Variants in TCN2 observed in about 807,000 individuals in gnomAD.
TCN2 encodes transcobalamin-2.
A neutral mutation model predicts 48.6 loss-of-function variants in TCN2; 34 were observed. The ratio of observed to expected loss-of-function variants is 0.70; its 90% CI spans 0.53 to 0.93. TCN2 has a LOEUF of 0.93. Among genes scored for constraint, TCN2 ranks in the 40% least tolerant of loss-of-function variants. TCN2 has a pLI of 0.00. For synonymous variants in TCN2, 283 were observed against 212.5 expected, an observed-to-expected ratio of 1.33 and a Z score of -2.89; for missense variants, 652 against 526.1, an observed-to-expected ratio of 1.24 and a Z score of -2.34.
intron 3 of TCN2, among the ~76,000 whole-genome samples, chr22:30,613,813 C>T (rs2087573679): frequency 6.6e-6 from 1 of 152,104 alleles, no homozygotes; most frequent in African/African-American, 2.4e-5. Flanking sequence ...GCCTGTCTAC[C>T]CTTACCTTCT....
intron 7 of TCN2, among the ~76,000 whole-genome samples, chr22:30,618,272 G>GTT: frequency 6.8e-6 from 1 of 147,468 alleles, no homozygotes; most frequent in Admixed American, 6.8e-5. Flanking sequence ...GGTTTTTTTT[G>GTT]TTTTTTTTTT....
intron 7 of TCN2, among the ~76,000 whole-genome samples, chr22:30,621,870 G>A (rs1176228638): frequency 3.9e-5 from 6 of 152,156 alleles, no homozygotes; most frequent in Non-Finnish European, 5.9e-5. Context: ...GCTCTGCCCC[G>A]CTCTCCTCCC....
chr22:30,626,156 C>T (rs1368175401), intron 8 of TCN2, among the ~76,000 whole-genome samples: 4 of 152,294 alleles, frequency 2.6e-5, no homozygotes, highest in East Asian at 3.9e-4. Context: ...CTGCGTGGTC[C>T]TGGTTCTCTC....
intron 7 of TCN2, 138 bp from the exon 8 acceptor site, chr22:30,622,830 C>G (rs2301957): frequency 1.2e-6 from 1 of 828,456 alleles, no homozygotes; most frequent in Non-Finnish European, 2.0e-6. Flanking sequence ...AGACCTGTGG[C>G]CAGGTGGCCT....
At chr22:30,622,921 G>A (rs1329490383) in intron 7 of TCN2, 47 bp from the exon 8 acceptor site, 4 of 1,596,744 alleles carry the variant, frequency 2.5e-6, no homozygotes, top group Middle Eastern at 1.7e-4. Flanking sequence ...CTCCCCTTAG[G>A]GACAACAGCC....
chr22:30,610,447 C>G, intron 1 of TCN2: 1 of 377,892 alleles, frequency 2.6e-6, no homozygotes, highest in East Asian at 7.1e-5. Context: ...GCTCTGCAGC[C>G]TTGTGTAAGA....
intron 1 of TCN2, 51 bp from the exon 2 acceptor site, chr22:30,610,820 T>C (rs755279349): frequency 6.2e-7 from 1 of 1,605,232 alleles, no homozygotes; most frequent in Non-Finnish European, 8.5e-7. Context: ...AAGCACTTCT[T>C]TGCTGGTGGC....
intron 6 of TCN2, among the ~76,000 whole-genome samples, chr22:30,616,536 C>T (rs879410111): frequency 6.7e-6 from 1 of 150,004 alleles, no homozygotes; most frequent in Non-Finnish European, 1.5e-5. Context: ...CATGGTGGCT[C>T]GTGCTTATAA....
chr22:30,615,769 G>T lies in TCN2; in HGVS notation c.922G>T (p.Asp308Tyr). ...HKTYIDLIFP[D>Y]CLAPRVMLEP... Reference sequence around the variant, plus strand: ...GACCTACATTGATCTGATCTTCCCAGACTGTCTGGCACCACGAGGTAGCCC... The same window carrying T: ...GACCTACATTGATCTGATCTTCCCATACTGTCTGGCACCACGAGGTAGCCC... Residue 308 changes from aspartate (D) to tyrosine (Y), a missense_variant, in exon 6 of 9, where the codon GAC (aspartate) becomes TAC (tyrosine). Transcript: ENST00000215838. The T allele has an allele frequency of 6.2e-7, 1 of 1,614,202 alleles. No homozygotes were observed.
intron 7 of TCN2, among the ~76,000 whole-genome samples, chr22:30,620,929 C>G (rs1160522600): frequency 6.6e-6 from 1 of 152,202 alleles, no homozygotes; most frequent in Admixed American, 6.5e-5. Context: ...GGGAAAAGGG[C>G]TACTCTGTGA....
intron 7 of TCN2, among the ~76,000 whole-genome samples, chr22:30,618,369 C>A (rs902581400): frequency 1.3e-5 from 2 of 151,110 alleles, no homozygotes; most frequent in African/African-American, 4.9e-5. Flanking sequence ...TTATTTATTT[C>A]GAGACAGAGC....
In TCN2 at chr22:30,615,735, G is replaced by A. The variant is rs978779268; in HGVS notation, c.888G>A (p.Leu296=). The A allele has an allele frequency of 2.5e-6, 4 of 1,614,090 alleles. No homozygotes were observed. In the African/African-American group the frequency reaches 5.3e-5, roughly 22 times the overall value. The part of the protein sequence containing the change: ...ALMISQLLPV[L]NHKTYIDLIF... ...TGATTTCCCAGCTGCTGCCCGTTCT[G>A]AACCACAAGACCTACATTGATCTGA... Residue 296 remains leucine, a synonymous_variant, in exon 6 of 9, where the codon CTG becomes CTA. Coordinates refer to ENST00000215838, the MANE Select transcript of TCN2 (RefSeq NM_000355.4).
intron 6 of TCN2, among the ~76,000 whole-genome samples, chr22:30,616,595 G>A (rs2087615913): frequency 6.6e-6 from 1 of 152,074 alleles, no homozygotes; most frequent in African/African-American, 2.4e-5. Flanking sequence ...GAGCCCAGGA[G>A]TTTGAGACCA....
intron 7 of TCN2, among the ~76,000 whole-genome samples, chr22:30,621,762 G>T (rs1252257735): frequency 6.6e-6 from 1 of 152,194 alleles, no homozygotes; most frequent in Non-Finnish European, 1.5e-5. Context: ...GGGATTACAA[G>T]CATGAGCCAC....
Position 30,626,790 on chromosome 22 carries a change from C to CA in TCN2, c.*270dup, listed in dbSNP as rs1449688780. 2 of 573,374 alleles carry CA rather than the reference C, an allele frequency of 3.5e-6. No homozygotes were observed. Among genetic ancestry groups the CA allele is most frequent in the African/African-American group, 3.8e-5 (2 of 53,328 alleles). The allele number at this position is 573,374 out of a possible 1,614,324, so 35.5% of individuals were successfully genotyped here. Reference sequence around the variant, plus strand: ...TGCAGGTCTCCCATGAAGGCCACCCCATGGTCTGATGGGCATGAAGCATCT... The same window carrying CA: ...TGCAGGTCTCCCATGAAGGCCACCCCAATGGTCTGATGGGCATGAAGCATCT... On this transcript the variant is annotated 3_prime_UTR_variant, in exon 9 of 9. Transcript: ENST00000215838.
Position 30,626,819 on chromosome 22 carries a change from A to C in TCN2, c.*298A>C. 1 of 518,980 alleles carries C rather than the reference A, an allele frequency of 1.9e-6. No homozygotes were observed. Among genetic ancestry groups the C allele is most frequent in the Non-Finnish European group, 3.5e-6 (1 of 286,040 alleles). The allele number at this position is 518,980 out of a possible 1,614,324, so 32.1% of individuals were successfully genotyped here. On this transcript the variant is annotated 3_prime_UTR_variant, in exon 9 of 9. Coordinates refer to ENST00000215838, the MANE Select transcript of TCN2 (RefSeq NM_000355.4). ...GTCTGATGGGCATGAAGCATCTCAGACTCCTTGGCAAAAAACGGAGTCCGC... is the reference window on the plus strand; with the variant it reads ...GTCTGATGGGCATGAAGCATCTCAGCCTCCTTGGCAAAAAACGGAGTCCGC...
chr22:30,626,253 A>C (rs529466605), intron 8 of TCN2, among the ~76,000 whole-genome samples: 1 of 152,008 alleles, frequency 6.6e-6, no homozygotes, highest in South Asian at 2.1e-4. Flanking sequence ...TGTTTTTATT[A>C]CCAGATGAGG....
In TCN2 at chr22:30,623,857, C is replaced by CATACACACATATATACACACATAT. The variant is rs1411487862; in HGVS notation, c.1222+790_1222+813dup. ...ATATACACACACATACATACACATA[C>CATACACACATATATACACACATAT]ATACACACATATATACACACATATA... On this transcript the variant is annotated intron_variant, in intron 8 of 8. Coordinates refer to ENST00000215838, the MANE Select transcript of TCN2 (RefSeq NM_000355.4). 2.5e-4 allele frequency among the ~76,000 whole-genome samples: 6 copies of CATACACACATATATACACACATAT among 24,078 alleles called. 1 individual carries two copies. Among genetic ancestry groups the CATACACACATATATACACACATAT allele is most frequent in the Non-Finnish European group, 4.4e-4 (6 of 13,708 alleles). 15.8% of individuals were successfully genotyped at this position (24,078 alleles called of 152,430 possible).
intron 1 of TCN2, among the ~76,000 whole-genome samples, chr22:30,610,029 G>T (rs1045608888): frequency 1.3e-5 from 2 of 152,172 alleles, no homozygotes; most frequent in Non-Finnish European, 2.9e-5. Context: ...AAAGTGCAAG[G>T]TTACCTCCGA....
Sources: gnomAD v4.1 joint callset for allele counts (sites outside exome capture counted in the v4.1 genomes callset) on GRCh38, gnomAD v4.1.1 for gene constraint, MANE v1.5 for transcripts, NCBI Gene and HGNC (gene_info 2026-07-23, HGNC 2026-07-21) for gene names.